CERKL: variants seen among roughly 807,000 people sequenced by gnomAD.
The protein encoded by CERKL is CERK like autophagy regulator, also known as ceramide kinase-like protein.
In CERKL, 61 loss-of-function variants were observed where a neutral mutation model predicts 63.4. The observed-to-expected ratio is 0.96, with a 90% CI of 0.78 to 1.19. The LOEUF is 1.19. Ranked by LOEUF, CERKL falls within the 50% of genes most tolerant of loss-of-function variation. The probability of loss-of-function intolerance (pLI) is 0.00; values close to 1 mark genes in which losing one functional copy is unlikely to be tolerated. For synonymous variants in CERKL, 250 were observed against 230.5 expected, an observed-to-expected ratio of 1.08 and a Z score of -0.77; for missense variants, 675 against 655.5, an observed-to-expected ratio of 1.03 and a Z score of -0.33.
At chr2:181,540,077 CAG>C (rs1324317293) in intron 11 of CERKL, among the ~76,000 whole-genome samples, 1 of 152,008 alleles carries the variant, frequency 6.6e-6, no homozygotes, top group African/African-American at 2.4e-5. Context: ...TAAAAGTTGA[CAG>C]AAAACTAATA....
chr2:181,614,087 T>C (rs1686087561), intron 1 of CERKL, among the ~76,000 whole-genome samples: 1 of 151,386 alleles, frequency 6.6e-6, no homozygotes, highest in Admixed American at 6.6e-5. Context: ...GTTACCGAAG[T>C]TCTTATATGA....
intron 2 of CERKL, among the ~76,000 whole-genome samples, chr2:181,591,084 GCT>G (rs1404964438): frequency 2.6e-5 from 4 of 152,082 alleles, no homozygotes; most frequent in African/African-American, 9.7e-5. Context: ...ATATAAGGAA[GCT>G]CTCTGTGACA....
At chr2:181,569,806 A>G (rs1329578449) in intron 3 of CERKL, among the ~76,000 whole-genome samples, 1 of 152,182 alleles carries the variant, frequency 6.6e-6, no homozygotes, top group Non-Finnish European at 1.5e-5. Flanking sequence ...CCTATACAAT[A>G]GATGGGGCAC....
intron 3 of CERKL, among the ~76,000 whole-genome samples, chr2:181,568,835 CT>C (rs1214712354): frequency 1.3e-5 from 2 of 150,518 alleles, no homozygotes; most frequent in Non-Finnish European, 3.0e-5. Flanking sequence ...TCCCTCCCCC[CT>C]CCCACCACCC....
At chr2:181,557,752 G>C (rs879712759) in intron 5 of CERKL, among the ~76,000 whole-genome samples, 1 of 152,114 alleles carries the variant, frequency 6.6e-6, no homozygotes, top group Non-Finnish European at 1.5e-5. Flanking sequence ...GCATGTAGGA[G>C]CCTCCATGGT....
chr2:181,570,948 G>C (rs1198682233), intron 3 of CERKL, among the ~76,000 whole-genome samples: 1 of 152,044 alleles, frequency 6.6e-6, no homozygotes, highest in Non-Finnish European at 1.5e-5. Context: ...ACATGCAGAA[G>C]ATATGTCCTC....
intron 1 of CERKL, among the ~76,000 whole-genome samples, chr2:181,608,643 G>A (rs1048310293): frequency 6.6e-6 from 1 of 152,026 alleles, no homozygotes; most frequent in Non-Finnish European, 1.5e-5. Flanking sequence ...CACACTTACT[G>A]AAATCCAGAA....
chr2:181,602,774 G>A (rs1160998391), intron 2 of CERKL, among the ~76,000 whole-genome samples: 1 of 152,078 alleles, frequency 6.6e-6, no homozygotes, highest in Non-Finnish European at 1.5e-5. Flanking sequence ...TTTCTATCCT[G>A]TGCCATCTAA....
At chr2:181,570,260 A>C (rs1356063476) in intron 3 of CERKL, among the ~76,000 whole-genome samples, 1 of 152,166 alleles carries the variant, frequency 6.6e-6, no homozygotes, top group African/African-American at 2.4e-5. Flanking sequence ...TGGCCAAGCC[A>C]AAGTTGAGTG....
intron 4 of CERKL, among the ~76,000 whole-genome samples, chr2:181,561,409 C>CAAAA (rs3060971): frequency 2.4e-5 from 3 of 122,986 alleles, no homozygotes; most frequent in Admixed American, 8.0e-5. Flanking sequence ...GAATTTATCT[C>CAAAA]AAAAAAAAAA....
chr2:181,538,273 CTTATTTTG>C (rs751564367), intron 12 of CERKL, 29 bp from the exon 13 acceptor site: 1 of 1,416,114 alleles, frequency 7.1e-7, no homozygotes, highest in East Asian at 2.3e-5. Flanking sequence ...ATTTCATCAA[CTTATTTTG>C]TTGTTTTTCA....
chr2:181,573,556 A>G (rs1228212744), intron 3 of CERKL, among the ~76,000 whole-genome samples, 197 bp downstream of exon 3: 1 of 152,192 alleles, frequency 6.6e-6, no homozygotes, highest in African/African-American at 2.4e-5. Flanking sequence ...TTCTAAAGAG[A>G]AAATATTAAT....
At position 181,642,617 on chromosome 2, in the gene CERKL, T is replaced by C. The variant is rs1157206885; in HGVS notation, c.238+14152A>G. On this transcript the variant is annotated intron_variant, in intron 1 of 12. Coordinates refer to ENST00000410087, the MANE Select transcript of CERKL (RefSeq NM_201548.5). ...TCACTGCTCTAATTCAGCTGAGCTC[T>C]GAGTTGTGGCAGGAATACTCTTTTG... is the stretch of plus-strand genomic sequence containing the variant. 2.0e-5 allele frequency among the ~76,000 whole-genome samples: 3 copies of C among 152,184 alleles called. No homozygotes were observed. The East Asian group carries it at 5.8e-4, about 29-fold the overall frequency.
intron 4 of CERKL, 104 bp downstream of exon 4, chr2:181,565,954 C>G: frequency 2.6e-6 from 2 of 776,170 alleles, no homozygotes; most frequent in South Asian, 3.1e-5. Flanking sequence ...AGTACATACA[C>G]TACAAATATT....
intron 1 of CERKL, among the ~76,000 whole-genome samples, chr2:181,605,607 G>C (rs565506674): frequency 6.6e-6 from 1 of 152,060 alleles, no homozygotes; most frequent in Non-Finnish European, 1.5e-5. Context: ...ACTTTTTCCA[G>C]GTAACTTAAC....
intron 2 of CERKL, among the ~76,000 whole-genome samples, chr2:181,601,066 A>C (rs1685437663): frequency 6.6e-6 from 1 of 152,210 alleles, no homozygotes; most frequent in Non-Finnish European, 1.5e-5. Context: ...AAAACGACAC[A>C]AATACATGGA....
intron 2 of CERKL, among the ~76,000 whole-genome samples, chr2:181,581,606 C>G (rs1684517596): frequency 6.6e-6 from 1 of 152,156 alleles, no homozygotes; most frequent in African/African-American, 2.4e-5. Flanking sequence ...TTATTGCTGA[C>G]AGAAACATGG....
intron 1 of CERKL, among the ~76,000 whole-genome samples, chr2:181,630,686 G>A (rs749836216): frequency 4.6e-5 from 7 of 152,108 alleles, no homozygotes; most frequent in Admixed American, 2.0e-4. Flanking sequence ...CCTTGATTTT[G>A]GACTTCTAGC....
At chr2:181,636,078 T>C (rs532996929) in intron 1 of CERKL, among the ~76,000 whole-genome samples, 73 of 152,176 alleles carry the variant, frequency 4.8e-4, no homozygotes, top group Non-Finnish European at 9.0e-4. Context: ...TTACAGTCCT[T>C]CAGGAGCAAT....
Sources: gnomAD v4.1 joint callset for allele counts (sites outside exome capture counted in the v4.1 genomes callset) on GRCh38, gnomAD v4.1.1 for gene constraint, MANE v1.5 for transcripts, NCBI Gene and HGNC (gene_info 2026-07-23, HGNC 2026-07-21) for gene names.